EYS: variants seen among roughly 807,000 people sequenced by gnomAD.
The protein encoded by EYS is protein eyes shut homolog.
EYS carries 250 observed loss-of-function variants against 282.1 expected under a neutral mutation model. That is an observed-to-expected ratio of 0.89 (90% confidence interval 0.80 to 0.98). The LOEUF (loss-of-function observed/expected upper bound fraction) is 0.98, where lower values mean the gene tolerates loss of function less well. EYS is among the 50% of genes least tolerant of loss of function. The pLI, the probability that EYS is intolerant of heterozygous loss-of-function variation, is 0.00. For missense variants in EYS, 4,016 were observed against 3,709.0 expected (o/e 1.08, Z -2.15); for synonymous variants, 1,355 against 1,282.9 (o/e 1.06, Z -1.20).
chr6:64,922,788 T>C (rs2150082574), intron 15 of EYS, among the ~76,000 whole-genome samples: 1 of 152,206 alleles, frequency 6.6e-6, no homozygotes, highest in Admixed American at 6.5e-5. Flanking sequence ...GATATCCCAG[T>C]ACCTGCAGGT....
intron 26 of EYS, among the ~76,000 whole-genome samples, chr6:64,522,117 T>C (rs1777762149): frequency 6.6e-6 from 1 of 151,826 alleles, no homozygotes; most frequent in South Asian, 2.1e-4. Flanking sequence ...GCCATTGATG[T>C]GTTAAATGTA....
intron 39 of EYS, among the ~76,000 whole-genome samples, chr6:63,780,792 C>A (rs1770202135): frequency 6.6e-6 from 1 of 152,154 alleles, no homozygotes; most frequent in Admixed American, 6.5e-5. Flanking sequence ...GTTGCCATTG[C>A]TTTTGATGTT....
rs1251637752 is a variant in EYS at position 63,726,601 on chromosome 6, CT to C, written c.8150del (p.Lys2717ArgfsTer24). ...GCTGAAACTGCAATTGAATATGTGT[CT>C]TTTTTCGAACATGAAAGGAAGCAAA... ...MSFASFHVRK[K>X]THIQLQFQPL... On this transcript the variant is annotated frameshift_variant, in exon 42 of 43. Transcript: ENST00000503581. LOFTEE classifies it high-confidence loss of function. 1 of 1,551,174 alleles carries C rather than the reference CT, an allele frequency of 6.4e-7. No individual in the cohort carries two copies. Among genetic ancestry groups the C allele is most frequent in the Admixed American group, 2.0e-5 (1 of 50,952 alleles).
intron 19 of EYS, among the ~76,000 whole-genome samples, chr6:64,834,481 G>A (rs904364626): frequency 1.3e-5 from 2 of 151,768 alleles, no homozygotes; most frequent in African/African-American, 4.8e-5. Flanking sequence ...ACACTTTAAA[G>A]ACTAAGTCAA....
At chr6:64,356,830 T>C (rs73767535) in intron 29 of EYS, among the ~76,000 whole-genome samples, 1 of 151,654 alleles carries the variant, frequency 6.6e-6, no homozygotes, top group Non-Finnish European at 1.5e-5. Flanking sequence ...TCTCCTTTTT[T>C]TCTTTCCTAT....
chr6:63,906,656 A>G (rs1581961009), intron 35 of EYS, among the ~76,000 whole-genome samples: 1 of 152,212 alleles, frequency 6.6e-6, no homozygotes, highest in South Asian at 2.1e-4. Context: ...TTAAAATTTC[A>G]TAACATTTTA....
intron 28 of EYS, among the ~76,000 whole-genome samples, chr6:64,432,402 T>C (rs933756379): frequency 6.6e-6 from 1 of 151,924 alleles, no homozygotes; most frequent in Non-Finnish European, 1.5e-5. Flanking sequence ...AACTCTCTTT[T>C]AATCCCAAAT....
chr6:64,251,776 C>A (rs1767226863), intron 30 of EYS, among the ~76,000 whole-genome samples: 1 of 152,076 alleles, frequency 6.6e-6, no homozygotes, highest in Non-Finnish European at 1.5e-5. Context: ...TCTGGTCACA[C>A]ACCATTAAGA....
rs117175977 is a variant in EYS, at chr6:63,945,972, C to T, written c.7055+38411G>A. ...TACGAATAAAACCTGAATGCTTTGA[C>T]TTTGAGTTCACTGCTCTATTTAGAG... On this transcript the variant is annotated intron_variant, in intron 35 of 42. Transcript: ENST00000503581. Among the ~76,000 whole-genome samples, 138 of 152,324 alleles carry T rather than the reference C, an allele frequency of 9.1e-4. 1 individual carries two copies. The East Asian group carries it at 0.022, about 24-fold the overall frequency.
intron 41 of EYS, among the ~76,000 whole-genome samples, chr6:63,756,061 C>A (rs919102297): frequency 2.0e-5 from 3 of 152,182 alleles, no homozygotes; most frequent in Admixed American, 6.5e-5. Flanking sequence ...AATATATAAT[C>A]ATGTCATCTG....
intron 22 of EYS, among the ~76,000 whole-genome samples, chr6:64,714,821 C>G (rs978418217): frequency 6.6e-6 from 1 of 152,006 alleles, no homozygotes; most frequent in Non-Finnish European, 1.5e-5. Flanking sequence ...CCACCATGCC[C>G]GGCCTAAAAC....
intron 31 of EYS, among the ~76,000 whole-genome samples, chr6:64,116,407 T>C (rs189373714): frequency 6.6e-6 from 1 of 152,192 alleles, no homozygotes; most frequent in African/African-American, 2.4e-5. Context: ...TATCCTATAG[T>C]AGATACATAA....
chr6:63,776,441 G>A (rs1027057593), intron 40 of EYS, among the ~76,000 whole-genome samples: 6 of 151,980 alleles, frequency 3.9e-5, no homozygotes, highest in Non-Finnish European at 7.4e-5. Context: ...ACATCCTCTC[G>A]AATTACTCAC....
At chr6:64,522,469 T>A (rs959284282) in intron 26 of EYS, among the ~76,000 whole-genome samples, 1 of 151,658 alleles carries the variant, frequency 6.6e-6, no homozygotes, top group Non-Finnish European at 1.5e-5. Context: ...CCAGAGTAAG[T>A]AAGTTTGTTA....
At chr6:65,068,684 C>T (rs76912612) in intron 12 of EYS, among the ~76,000 whole-genome samples, 1 of 152,072 alleles carries the variant, frequency 6.6e-6, no homozygotes, top group African/African-American at 2.4e-5. Context: ...AGGCCAGCTA[C>T]CTCTGGCTTC....
chr6:64,030,985 G>A (rs1328134708), intron 33 of EYS, among the ~76,000 whole-genome samples: 2 of 152,208 alleles, frequency 1.3e-5, no homozygotes, highest in African/African-American at 4.8e-5. Context: ...CTGTTTAGAG[G>A]GGGGATTGAG....
chr6:65,031,143 T>TTA (rs56260229), intron 13 of EYS, among the ~76,000 whole-genome samples: 32,450 of 145,276 alleles, frequency 0.22, 4,695 homozygotes, highest in African/African-American at 0.42. Flanking sequence ...ATTTTATATT[T>TTA]TATATATATA....
intron 2 of EYS, among the ~76,000 whole-genome samples, chr6:65,536,503 T>C (rs1267609365): frequency 1.3e-5 from 2 of 152,136 alleles, no homozygotes; most frequent in African/African-American, 4.8e-5. Flanking sequence ...TCAAGGGCTG[T>C]TTCTTTAGAG....
intron 35 of EYS, among the ~76,000 whole-genome samples, chr6:63,929,579 C>T (rs1252432193): frequency 1.3e-5 from 2 of 152,200 alleles, no homozygotes; most frequent in African/African-American, 4.8e-5. Flanking sequence ...AAACTACAGA[C>T]TGCACTTGTA....
Sources: allele counts gnomAD v4.1 joint callset (sites outside exome capture counted in the v4.1 genomes callset), GRCh38; gene constraint gnomAD v4.1.1; transcripts MANE v1.5; gene names NCBI Gene and HGNC (gene_info 2026-07-23, HGNC 2026-07-21).